ADGRF1: variants seen among roughly 807,000 people sequenced by gnomAD.
The protein encoded by ADGRF1 is G protein-coupled receptor 110.
ADGRF1 carries 85 observed loss-of-function variants against 87.2 expected under a neutral mutation model. That is an observed-to-expected ratio of 0.97 (90% CI 0.82 to 1.17). ADGRF1 has a LOEUF of 1.17. Ranked by LOEUF, ADGRF1 falls within the 50% of genes most tolerant of loss-of-function variation. ADGRF1 has a pLI of 0.00. For missense variants in ADGRF1, 1,169 were observed against 1,077.2 expected, an observed-to-expected ratio of 1.09 and a Z score of -1.19; for synonymous variants, 430 against 408.8, an observed-to-expected ratio of 1.05 and a Z score of -0.63.
rs1296618825 is a variant in ADGRF1 at position 46,999,317 on chromosome 6, A to C, written c.*905T>G. The stretch of plus-strand genomic sequence containing the variant: ...AATTCTCCCTTAATTTCTCTCTTAC[A>C]TAGAATTCTGGGAATGGTGAACTGT... On this transcript the variant is annotated 3_prime_UTR_variant, in exon 15 of 15. Coordinates refer to ENST00000371253, the MANE Select transcript of ADGRF1 (RefSeq NM_153840.4). 6.6e-6 allele frequency: 1 copy of C among 152,240 alleles called. No individual in the cohort carries two copies. Among genetic ancestry groups the C allele is most frequent in the African/African-American group, 2.4e-5 (1 of 41,468 alleles). 9.4% of individuals were successfully genotyped at this position (152,240 alleles called of 1,614,324 possible).
chr6:47,001,888 A>T (rs189241675), intron 13 of ADGRF1: 1 of 223,392 alleles, frequency 4.5e-6, no homozygotes, highest in Non-Finnish European at 8.9e-6. Context: ...CACATTTGTT[A>T]CTGGAAGAGA....
In ADGRF1 at chr6:47,022,035, T is replaced by A; in HGVS notation, c.475A>T (p.Asn159Tyr). 6.3e-7 allele frequency: 1 copy of A among 1,575,970 alleles called. No homozygotes were observed. The highest frequency in any genetic ancestry group is 8.6e-7 in the Non-Finnish European group (1 of 1,163,936). The part of the protein sequence containing the change: ...RTKIWGTFKI[N>Y]ERFTNDLLNS... ...AAAAGGTCATTTGTAAACCTTTCAT[T>A]AATTTTGAAAGTGCCCCAAATCTCT... is the stretch of plus-strand genomic sequence containing the variant. The change falls in exon 6 of 15, where the codon AAT (asparagine) becomes TAT (tyrosine). Residue 159 changes from asparagine to tyrosine, a missense_variant. Transcript: ENST00000371253.
intron 1 of ADGRF1, among the ~76,000 whole-genome samples, chr6:47,035,606 A>C (rs890316198): frequency 2.0e-5 from 3 of 152,242 alleles, no homozygotes; most frequent in African/African-American, 7.2e-5. Context: ...AAATACAACG[A>C]ATTTTTTAAC....
chr6:47,022,754 T>G (rs908506582), intron 5 of ADGRF1, among the ~76,000 whole-genome samples: 3 of 152,088 alleles, frequency 2.0e-5, no homozygotes, highest in African/African-American at 7.2e-5. Flanking sequence ...CTTTCAAAGA[T>G]GGATTAGACA....
At chr6:47,019,151 C>T in intron 7 of ADGRF1, 1 of 400,480 alleles carries the variant, frequency 2.5e-6, no homozygotes, top group Non-Finnish European at 3.4e-6. Flanking sequence ...ATTTGGTCTG[C>T]AGATTATTGG....
chr6:47,000,734 T>C (rs1189012904), intron 14 of ADGRF1, among the ~76,000 whole-genome samples: 1 of 152,236 alleles, frequency 6.6e-6, no homozygotes, highest in East Asian at 1.9e-4. Flanking sequence ...ACTTGAACTT[T>C]ATCTGGAATT....
intron 11 of ADGRF1, among the ~76,000 whole-genome samples, chr6:47,008,440 A>T (rs1582142944): frequency 1.3e-5 from 2 of 152,150 alleles, no homozygotes; most frequent in Non-Finnish European, 2.9e-5. Context: ...CAACTACTCA[A>T]CTCTGCCATT....
chr6:47,014,897 T>A, intron 8 of ADGRF1, 53 bp from the exon 9 acceptor site: 2 of 1,537,178 alleles, frequency 1.3e-6, no homozygotes, highest in South Asian at 2.5e-5. Context: ...ATCCTGGCAC[T>A]CTATATAAAC....
chr6:47,035,700 T>C (rs570050829), intron 1 of ADGRF1, among the ~76,000 whole-genome samples: 2 of 152,348 alleles, frequency 1.3e-5, no homozygotes, highest in Admixed American at 6.5e-5. Context: ...TGGGGCATGA[T>C]TTTAATAAAA....
At chr6:47,022,453 T>C (rs1275019714) in intron 5 of ADGRF1, among the ~76,000 whole-genome samples, 1 of 152,254 alleles carries the variant, frequency 6.6e-6, no homozygotes, top group Admixed American at 6.5e-5. Context: ...CATTCCTTAC[T>C]TACCCATTGC....
rs764452838 is a variant in ADGRF1, at chr6:47,026,030, C to T, written c.128-27G>A. ...TAAAGAGAGAAAGAGAGTCAGAAACCTTTTTTTCTGTCCTTGGGGAAAATA... is the reference window on the plus strand; with the variant it reads ...TAAAGAGAGAAAGAGAGTCAGAAACTTTTTTTTCTGTCCTTGGGGAAAATA... On this transcript the variant is annotated intron_variant, in intron 3 of 14. Coordinates refer to ENST00000371253, the MANE Select transcript of ADGRF1 (RefSeq NM_153840.4). The T allele has an allele frequency of 1.2e-5, 19 of 1,539,760 alleles. No individual in the cohort carries two copies. The African/African-American group carries it at 2.5e-4, about 20-fold the overall frequency.
rs1335147439 is a variant in ADGRF1, at chr6:47,009,544, C to T, written c.1891G>A (p.Ala631Thr). 6.2e-7 allele frequency: 1 copy of T among 1,614,122 alleles called. No individual in the cohort carries two copies. The highest frequency in any genetic ancestry group is 1.7e-4 in the Middle Eastern group (1 of 6,060). ...ACATCAGCAATCAAGAGGGACAGGG[C>T]TATGTTCACCATGCAAATACGACGT... Reference protein sequence around the residue: ...HTRRICMVNIALSLLIADVWF... With the variant: ...HTRRICMVNITLSLLIADVWF... The change falls in exon 11 of 15, where the codon GCC becomes ACC. Residue 631 changes from alanine to threonine, a missense_variant. By Grantham distance (58) the Ala-to-Thr change is moderately conservative. Coordinates refer to ENST00000371253, the MANE Select transcript of ADGRF1 (RefSeq NM_153840.4).
intron 9 of ADGRF1, chr6:47,013,578 C>T: frequency 4.1e-6 from 4 of 985,434 alleles, no homozygotes; most frequent in Non-Finnish European, 4.8e-6. Flanking sequence ...CTTCTGATTC[C>T]TAGATATTTA....
intron 5 of ADGRF1, among the ~76,000 whole-genome samples, chr6:47,022,586 T>C (rs1178020947): frequency 6.6e-6 from 1 of 152,138 alleles, no homozygotes; most frequent in Non-Finnish European, 1.5e-5. Flanking sequence ...GCAGAGTCTT[T>C]CTCTCCTCTA....
At position 47,020,481 on chromosome 6, in the gene ADGRF1, G is replaced by A. The variant is rs146367921; in HGVS notation, c.611+250C>T. ...ATTGTGCCATTGCACTCCAACTTGGGCGACAAGAGTGACATTCTGTCAAAA... is the reference window on the plus strand; with the variant it reads ...ATTGTGCCATTGCACTCCAACTTGGACGACAAGAGTGACATTCTGTCAAAA... On this transcript the variant is annotated intron_variant, in intron 7 of 14. Transcript: ENST00000371253. 3.5e-4 allele frequency: 513 copies of A among 1,455,948 alleles called. 1 individual carries two copies. In the African/African-American group the frequency reaches 6.3e-3, roughly 18 times the overall value. 90.2% of individuals were successfully genotyped at this position (1,455,948 alleles called of 1,614,324 possible).
intron 7 of ADGRF1, chr6:47,018,436 T>C: frequency 3.1e-6 from 4 of 1,289,604 alleles, no homozygotes; most frequent in Non-Finnish European, 4.0e-6. Flanking sequence ...TCACAATGTA[T>C]AAATAAGTGC....
chr6:47,023,935 A>C (rs970450651), intron 5 of ADGRF1, 109 bp downstream of exon 5: 4 of 986,368 alleles, frequency 4.1e-6, no homozygotes, highest in Non-Finnish European at 6.0e-6. Flanking sequence ...ACTGTCCCTC[A>C]ATCTCCCTGT....
chr6:47,031,753 T>C (rs1411241772), intron 1 of ADGRF1, among the ~76,000 whole-genome samples: 1 of 152,160 alleles, frequency 6.6e-6, no homozygotes, highest in Non-Finnish European at 1.5e-5. Context: ...CGAGACATGT[T>C]CTTGCTCTGT....
chr6:47,001,547 A>T lies in ADGRF1; in HGVS notation c.2613T>A (p.Ser871=). 3 of 1,613,928 alleles carry T rather than the reference A, an allele frequency of 1.9e-6. No homozygotes were observed. The highest frequency in any genetic ancestry group is 2.5e-6 in the Non-Finnish European group (3 of 1,179,890). ...AAGGCTTTGAGAATTTGGGTTTGGCAGATAAATCTGATGAGTTTTGCTGCA... is the reference window on the plus strand; with the variant it reads ...AAGGCTTTGAGAATTTGGGTTTGGCTGATAAATCTGATGAGTTTTGCTGCA... The part of the protein sequence containing the change: ...QTEKQNSSDL[S]AKPKFSKPFN... Residue 871 remains serine, a synonymous_variant, in exon 14 of 15, where the codon TCT becomes TCA. Transcript: ENST00000371253.
Sources: allele counts gnomAD v4.1 joint callset (sites outside exome capture counted in the v4.1 genomes callset), GRCh38; gene constraint gnomAD v4.1.1; transcripts MANE v1.5; gene names NCBI Gene and HGNC (gene_info 2026-07-23, HGNC 2026-07-21).